The following ANKRD55 variants were observed in gnomAD, a reference collection of about 807,000 sequenced individuals.
The protein encoded by ANKRD55 is ankyrin repeat domain-containing protein 55.
In ANKRD55, 41 loss-of-function variants were observed where a neutral mutation model predicts 60.6. The observed-to-expected ratio is 0.68, with a 90% CI of 0.53 to 0.88. The LOEUF is 0.88. Ranked by LOEUF, ANKRD55 falls within the 40% of genes least tolerant of loss-of-function variation. The pLI is 0.00. For missense variants in ANKRD55, 732 were observed against 767.6 expected (o/e 0.95, Z 0.55); for synonymous variants, 264 against 290.3 (o/e 0.91, Z 0.92).
At chr5:56,104,589 C>G (rs1295664325) in intron 10 of ANKRD55, among the ~76,000 whole-genome samples, 1 of 151,974 alleles carries the variant, frequency 6.6e-6, no homozygotes, top group Non-Finnish European at 1.5e-5. Flanking sequence ...TCAAGGACCA[C>G]TGTCCTAGAA....
intron 2 of ANKRD55, among the ~76,000 whole-genome samples, chr5:56,187,143 G>A (rs1016460696): frequency 6.6e-6 from 1 of 152,166 alleles, no homozygotes; most frequent in African/African-American, 2.4e-5. Context: ...GTATTTAATA[G>A]AGCTAAAGGT....
intron 7 of ANKRD55, among the ~76,000 whole-genome samples, chr5:56,143,309 G>A (rs531088866): frequency 1.7e-4 from 26 of 152,244 alleles, no homozygotes; most frequent in African/African-American, 6.0e-4. Flanking sequence ...GATTTCTTGA[G>A]CCTATTCTGA....
At chr5:56,138,206 C>T (rs1281964195) in intron 7 of ANKRD55, among the ~76,000 whole-genome samples, 1 of 149,696 alleles carries the variant, frequency 6.7e-6, no homozygotes, top group Non-Finnish European at 1.5e-5. Context: ...TGGCTCACTG[C>T]AACCTCTGCC....
intron 6 of ANKRD55, among the ~76,000 whole-genome samples, chr5:56,154,205 A>C (rs1278967337): frequency 5.3e-5 from 8 of 150,570 alleles, no homozygotes; most frequent in Admixed American, 1.3e-4. Context: ...TGTCTCAAAA[A>C]AAAAAAAAAA....
At chr5:56,163,474 A>T (rs1222169740) in intron 5 of ANKRD55, among the ~76,000 whole-genome samples, 1 of 151,650 alleles carries the variant, frequency 6.6e-6, no homozygotes, top group Non-Finnish European at 1.5e-5. Flanking sequence ...CCAAGTTCAG[A>T]CTCCCTCCTG....
chr5:56,116,860 G>T, intron 8 of ANKRD55, 78 bp from the exon 9 acceptor site: 1 of 1,408,734 alleles, frequency 7.1e-7, no homozygotes, highest in South Asian at 1.5e-5. Flanking sequence ...AACAGCTCCT[G>T]CTCAAAGTCA....
intron 2 of ANKRD55, among the ~76,000 whole-genome samples, chr5:56,217,078 T>G (rs1185618928): frequency 6.6e-6 from 1 of 152,244 alleles, no homozygotes; most frequent in Non-Finnish European, 1.5e-5. Flanking sequence ...GACTTGGAGT[T>G]GAAGCCAGTG....
At chr5:56,110,250 A>T (rs1251489496) in intron 10 of ANKRD55, among the ~76,000 whole-genome samples, 2 of 147,566 alleles carry the variant, frequency 1.4e-5, no homozygotes, top group Non-Finnish European at 3.0e-5. Context: ...AAAAAAAAAA[A>T]TAGCCAGATG....
chr5:56,177,966 A>T (rs187163488), intron 3 of ANKRD55, among the ~76,000 whole-genome samples: 29 of 152,080 alleles, frequency 1.9e-4, no homozygotes, highest in Admixed American at 3.3e-4. Context: ...ATCATCCTTC[A>T]TTTTTCTCTA....
chr5:56,232,502 G>C (rs1393070458), intron 2 of ANKRD55, among the ~76,000 whole-genome samples: 1 of 152,056 alleles, frequency 6.6e-6, no homozygotes, highest in Non-Finnish European at 1.5e-5. Context: ...AAAAAGATTT[G>C]GAAAAAACAG....
At position 56,152,514 on chromosome 5, in the gene ANKRD55, C is replaced by T. The variant is rs578253556; in HGVS notation, c.483+7319G>A. The stretch of plus-strand genomic sequence containing the variant: ...TAACCCAGATGCCAACAGCTCAGAG[C>T]CTCTCTTGATAGAACACTCTTCCTG... On this transcript the variant is annotated intron_variant, in intron 6 of 11. Coordinates refer to ENST00000341048, the MANE Select transcript of ANKRD55 (RefSeq NM_024669.3). Among the ~76,000 whole-genome samples the T allele has an allele frequency of 2.0e-5, 3 of 152,238 alleles. No homozygotes were observed. The South Asian group carries it at 6.2e-4, about 32-fold the overall frequency.
chr5:56,137,086 A>G, intron 7 of ANKRD55: 1 of 900,212 alleles, frequency 1.1e-6, no homozygotes. Flanking sequence ...CCAGGCCATC[A>G]GGGTAGGCAT....
intron 6 of ANKRD55, among the ~76,000 whole-genome samples, chr5:56,148,859 G>A (rs1189002211): frequency 6.6e-6 from 1 of 151,868 alleles, no homozygotes; most frequent in East Asian, 1.9e-4. Flanking sequence ...GGAGGGGGAG[G>A]GTTAAGAATT....
intron 3 of ANKRD55, among the ~76,000 whole-genome samples, chr5:56,177,259 T>C (rs1033826112): frequency 5.9e-5 from 9 of 152,156 alleles, no homozygotes; most frequent in African/African-American, 2.2e-4. Flanking sequence ...CTCTCCAATT[T>C]TTTTCCTTCT....
At chr5:56,210,655 T>C (rs1332034129) in intron 2 of ANKRD55, among the ~76,000 whole-genome samples, 1 of 152,076 alleles carries the variant, frequency 6.6e-6, no homozygotes, top group Non-Finnish European at 1.5e-5. Context: ...CCTTTCCCTG[T>C]TTGCCAATTA....
At chr5:56,180,912 G>A (rs1169107701) in intron 3 of ANKRD55, among the ~76,000 whole-genome samples, 1 of 152,216 alleles carries the variant, frequency 6.6e-6, no homozygotes, top group East Asian at 1.9e-4. Context: ...CAAGATGTAT[G>A]CTTTTGGCCG....
At chr5:56,146,287 ATTT>A (rs58370601) in intron 6 of ANKRD55, among the ~76,000 whole-genome samples, 2 of 142,786 alleles carry the variant, frequency 1.4e-5, no homozygotes, top group East Asian at 2.0e-4. Context: ...TGCTCCACTG[ATTT>A]TTTTTTTTTT....
chr5:56,136,840 G>T (rs1310390794), intron 7 of ANKRD55: 2 of 348,078 alleles, frequency 5.7e-6, no homozygotes, highest in Non-Finnish European at 1.1e-5. Flanking sequence ...AGGATCACTT[G>T]AGACCAGGAG....
intron 2 of ANKRD55, among the ~76,000 whole-genome samples, chr5:56,210,577 A>G (rs1293420551): frequency 6.6e-6 from 1 of 151,442 alleles, no homozygotes; most frequent in Non-Finnish European, 1.5e-5. Context: ...AAAAAAAAAA[A>G]AAAAAAAAGA....
Sources: allele counts gnomAD v4.1 joint callset (sites outside exome capture counted in the v4.1 genomes callset), GRCh38; gene constraint gnomAD v4.1.1; transcripts MANE v1.5; gene names NCBI Gene and HGNC (gene_info 2026-07-23, HGNC 2026-07-21).